The following ANKRD44 variants were observed in gnomAD, a reference collection of about 807,000 sequenced individuals.
ANKRD44 encodes the protein serine/threonine-protein phosphatase 6 regulatory ankyrin repeat subunit B.
In ANKRD44, 35 loss-of-function variants were observed where a neutral mutation model predicts 116.0. The ratio of observed to expected loss-of-function variants is 0.30; its 90% CI spans 0.23 to 0.40. The LOEUF (loss-of-function observed/expected upper bound fraction) is 0.40, where lower values mean the gene tolerates loss of function less well. Ranked by LOEUF, ANKRD44 falls within the 10% of genes least tolerant of loss-of-function variation. The pLI is 1.00. For missense variants in ANKRD44, 1,014 were observed against 1,242.6 expected (o/e 0.82, Z 2.77); for synonymous variants, 435 against 461.8 (o/e 0.94, Z 0.74).
In ANKRD44 at chr2:196,989,523, CAT is replaced by C. The variant is rs71410632; in HGVS notation, c.*66_*67del. The C allele has an allele frequency of 7.2e-4, 951 of 1,319,200 alleles. No individual in the cohort carries two copies. The highest frequency in any genetic ancestry group is 2.5e-3 in the Middle Eastern group (12 of 4,716). The allele number at this position is 1,319,200 out of a possible 1,614,324, so 81.7% of individuals were successfully genotyped here. ...GGCTGATGAACTACACACACACACACATATATATATATATACACACGCACACA... is the reference window on the plus strand; with the variant it reads ...GGCTGATGAACTACACACACACACACATATATATATATACACACGCACACA... On this transcript the variant is annotated 3_prime_UTR_variant, in exon 28 of 28. Coordinates refer to ENST00000282272, the MANE Select transcript of ANKRD44 (RefSeq NM_001195144.2).
In ANKRD44 at chr2:197,031,948, G is replaced by A. The variant is rs558051135; in HGVS notation, c.1651-6681C>T. Among the ~76,000 whole-genome samples the A allele has an allele frequency of 2.0e-5, 3 of 152,250 alleles. No individual in the cohort carries two copies. In the East Asian group the frequency reaches 5.8e-4, roughly 29 times the overall value. ...TGCTTGATAAGGCTAGAAAACAGCT[G>A]TTCTTTGCTTTGTTTTGCAACATTA... On this transcript the variant is annotated intron_variant, in intron 16 of 27. Coordinates refer to ENST00000282272, the MANE Select transcript of ANKRD44 (RefSeq NM_001195144.2).
chr2:197,189,240 A>G (rs926568439), intron 1 of ANKRD44, among the ~76,000 whole-genome samples: 3 of 152,210 alleles, frequency 2.0e-5, no homozygotes, highest in Admixed American at 2.0e-4. Context: ...GAATTTGTCC[A>G]TGGGTTTCTC....
At chr2:196,991,711 G>C (rs1305305465) in intron 27 of ANKRD44, among the ~76,000 whole-genome samples, 1 of 151,740 alleles carries the variant, frequency 6.6e-6, no homozygotes, top group Non-Finnish European at 1.5e-5. Context: ...CTCCCGAGTA[G>C]CTGGGACTAT....
intron 16 of ANKRD44, among the ~76,000 whole-genome samples, chr2:197,048,604 G>A (rs4277542): frequency 0.65 from 99,361 of 152,082 alleles, 33,746 homozygotes; most frequent in East Asian, 0.86. Context: ...GGGCATTTGG[G>A]TTGGTTCCAA....
At chr2:197,131,542 T>C (rs1366336349) in intron 4 of ANKRD44, among the ~76,000 whole-genome samples, 1 of 152,210 alleles carries the variant, frequency 6.6e-6, no homozygotes, top group Non-Finnish European at 1.5e-5. Context: ...ATGGACACAG[T>C]GTCCTCACTC....
intron 1 of ANKRD44, among the ~76,000 whole-genome samples, chr2:197,304,444 GTTTGAC>G (rs1026703128): frequency 2.5e-4 from 38 of 152,222 alleles, no homozygotes; most frequent in African/African-American, 8.2e-4. Context: ...ACTTGAAGCT[GTTTGAC>G]TTTGTTACCT....
At chr2:197,046,485 C>A (rs977161601) in intron 16 of ANKRD44, among the ~76,000 whole-genome samples, 2 of 152,024 alleles carry the variant, frequency 1.3e-5, no homozygotes, top group Non-Finnish European at 2.9e-5. Context: ...TGAATTTACA[C>A]CTTTGAGGCT....
At chr2:197,195,697 TC>T (rs1459737264) in intron 1 of ANKRD44, among the ~76,000 whole-genome samples, 1 of 152,132 alleles carries the variant, frequency 6.6e-6, no homozygotes, top group Admixed American at 6.5e-5. Flanking sequence ...TTCCATTTTT[TC>T]CCCCACAGAA....
At chr2:196,967,501 T>A (rs772979774) in intron 21 of ANKRD44, 22 of 437,302 alleles carry the variant, frequency 5.0e-5, no homozygotes, top group Non-Finnish European at 9.8e-5. Flanking sequence ...ATTATGTTAA[T>A]TGTTGCATTT....
rs74411192 is a variant in ANKRD44 at position 196,990,692 on chromosome 2, C to T, written c.2924-1043G>A. ...CTACAGTCCAAAGTCAAAACGTTTC[C>T]GAATCAGAATCATTTTCATTGTACC... On this transcript the variant is annotated intron_variant, in intron 27 of 27. Transcript: ENST00000282272. 1.9e-4 allele frequency: 232 copies of T among 1,232,142 alleles called. 1 individual carries two copies. In the East Asian group the frequency reaches 6.0e-3, roughly 32 times the overall value. The allele number at this position is 1,232,142 out of a possible 1,614,324, so 76.3% of individuals were successfully genotyped here.
intron 1 of ANKRD44, among the ~76,000 whole-genome samples, chr2:197,303,571 A>C (rs2083977624): frequency 1.3e-5 from 2 of 152,228 alleles, no homozygotes; most frequent in Non-Finnish European, 2.9e-5. Context: ...AATTTTACTA[A>C]AAGCTCTGAA....
chr2:197,102,713 A>G (rs1199830976), intron 9 of ANKRD44, among the ~76,000 whole-genome samples: 1 of 152,202 alleles, frequency 6.6e-6, no homozygotes, highest in African/African-American at 2.4e-5. Flanking sequence ...TATATATGCT[A>G]GTATAAGTAA....
chr2:197,071,017 T>C (rs1169215347), intron 16 of ANKRD44, among the ~76,000 whole-genome samples: 1 of 152,218 alleles, frequency 6.6e-6, no homozygotes, highest in Non-Finnish European at 1.5e-5. Context: ...TGCAGAGTTA[T>C]TCATAATATT....
chr2:197,058,784 T>C (rs1413527571), intron 16 of ANKRD44, among the ~76,000 whole-genome samples: 1 of 152,188 alleles, frequency 6.6e-6, no homozygotes, highest in Non-Finnish European at 1.5e-5. Context: ...GCTAACTCAG[T>C]TGAAGTCCTG....
At chr2:197,083,113 T>A (rs1433903860) in intron 14 of ANKRD44, among the ~76,000 whole-genome samples, 1 of 152,258 alleles carries the variant, frequency 6.6e-6, no homozygotes, top group Non-Finnish European at 1.5e-5. Context: ...AGATTTTGAA[T>A]GAACCATAAA....
chr2:197,023,100 A>G (rs2076528011), intron 17 of ANKRD44, among the ~76,000 whole-genome samples: 1 of 152,208 alleles, frequency 6.6e-6, no homozygotes, highest in African/African-American at 2.4e-5. Context: ...TAATGATGTT[A>G]TATGATGTTA....
rs1341034466 is a variant in ANKRD44 at position 196,986,965 on chromosome 2, T to C, written c.*2626A>G. On this transcript the variant is annotated 3_prime_UTR_variant, in exon 28 of 28. Coordinates refer to ENST00000282272, the MANE Select transcript of ANKRD44 (RefSeq NM_001195144.2). ...ATTTTATGCTGTTACAAATATGTTA[T>C]GCAAAATATAACACTGGCACCAGAT... The C allele has an allele frequency of 1.0e-6, 1 of 985,454 alleles. No individual in the cohort carries two copies. The highest frequency in any genetic ancestry group is 1.2e-6 in the Non-Finnish European group (1 of 829,912). The allele number at this position is 985,454 out of a possible 1,614,324, so 61.0% of individuals were successfully genotyped here.
At chr2:197,227,482 C>T (rs377626280) in intron 1 of ANKRD44, among the ~76,000 whole-genome samples, 72 of 152,242 alleles carry the variant, frequency 4.7e-4, no homozygotes, top group African/African-American at 1.5e-3. Context: ...CTGGTAAACA[C>T]GACTGAAGGT....
At chr2:197,140,583 T>G (rs2079337611) in intron 3 of ANKRD44, among the ~76,000 whole-genome samples, 1 of 151,896 alleles carries the variant, frequency 6.6e-6, no homozygotes, top group East Asian at 1.9e-4. Flanking sequence ...AGCCTTCTAA[T>G]GTTCTGGGAT....
Sources: gnomAD v4.1 joint callset for allele counts (sites outside exome capture counted in the v4.1 genomes callset) on GRCh38, gnomAD v4.1.1 for gene constraint, MANE v1.5 for transcripts, NCBI Gene and HGNC (gene_info 2026-07-23, HGNC 2026-07-21) for gene names.